The following ARK2N variants were observed in gnomAD, a reference collection of about 807,000 sequenced individuals.
The protein encoded by ARK2N is protein ARK2N.
the ARK2N span, chr18:46,263,131 G>C: frequency 6.3e-7 from 1 of 1,588,810 alleles, no homozygotes; most frequent in Non-Finnish European, 8.6e-7. Context: ...CAATGTCACT[G>C]TGTTTCCTCT....
the ARK2N span, chr18:46,174,379 G>C: frequency 6.6e-6 from 1 of 152,510 alleles, no homozygotes; most frequent in African/African-American, 2.4e-5. Flanking sequence ...TGGTCGAGTT[G>C]GGGGGCCCGG....
the ARK2N span, among the ~76,000 whole-genome samples, chr18:46,181,209 G>C: frequency 6.6e-6 from 1 of 151,918 alleles, no homozygotes; most frequent in African/African-American, 2.4e-5. Flanking sequence ...GCAGTGAGCA[G>C]GGATCATGCC....
the ARK2N span, among the ~76,000 whole-genome samples, chr18:46,179,033 C>T: frequency 6.6e-6 from 1 of 152,102 alleles, no homozygotes; most frequent in African/African-American, 2.4e-5. Context: ...ACCTCTGCCT[C>T]CTGGGTTCAA....
At chr18:46,203,348 C>T in the ARK2N span, among the ~76,000 whole-genome samples, 3 of 151,892 alleles carry the variant, frequency 2.0e-5, no homozygotes, top group African/African-American at 7.3e-5. Flanking sequence ...CATGGATGAA[C>T]CTGAGAGACA....
the ARK2N span, among the ~76,000 whole-genome samples, chr18:46,176,359 G>T: frequency 3.9e-5 from 6 of 151,958 alleles, no homozygotes; most frequent in Non-Finnish European, 7.3e-5. Context: ...TCATTTTCCT[G>T]CACATAACTG....
the ARK2N span, among the ~76,000 whole-genome samples, chr18:46,196,105 G>A: frequency 1.4e-4 from 21 of 146,506 alleles, no homozygotes; most frequent in Admixed American, 4.1e-4. Flanking sequence ...CTCAGCCTCC[G>A]GAGTAGCTGG....
chr18:46,198,920 CT>C, the ARK2N span, among the ~76,000 whole-genome samples: 1 of 152,104 alleles, frequency 6.6e-6, no homozygotes, highest in South Asian at 2.1e-4. Flanking sequence ...AAAATGGACC[CT>C]GGAGATCATT....
At chr18:46,258,820 C>T in the ARK2N span, among the ~76,000 whole-genome samples, 4 of 152,054 alleles carry the variant, frequency 2.6e-5, no homozygotes, top group Admixed American at 6.5e-5. Flanking sequence ...TTTTATGTTG[C>T]GTCACAAAAT....
At chr18:46,211,897 C>T in the ARK2N span, among the ~76,000 whole-genome samples, 2 of 152,184 alleles carry the variant, frequency 1.3e-5, no homozygotes, top group Non-Finnish European at 2.9e-5. Flanking sequence ...TCATTTTATA[C>T]TGCTAGCTAC....
At chr18:46,237,457 G>T in the ARK2N span, among the ~76,000 whole-genome samples, 1 of 148,700 alleles carries the variant, frequency 6.7e-6, no homozygotes, top group Non-Finnish European at 1.5e-5. Context: ...GCACGATCTC[G>T]GCTCACTGCT....
chr18:46,232,375 A>G, the ARK2N span: 1 of 152,304 alleles, frequency 6.6e-6, no homozygotes, highest in East Asian at 1.9e-4. Context: ...TTAAAAAATT[A>G]TTTAAATAGT....
the ARK2N span, among the ~76,000 whole-genome samples, chr18:46,180,022 TA>T: frequency 6.6e-6 from 1 of 152,214 alleles, no homozygotes; most frequent in Non-Finnish European, 1.5e-5. Flanking sequence ...CAGCTGATAA[TA>T]GTAAATGTGA....
At chr18:46,192,883 CAAA>C in the ARK2N span, among the ~76,000 whole-genome samples, 7 of 139,464 alleles carry the variant, frequency 5.0e-5, no homozygotes, top group Middle Eastern at 3.8e-3. Flanking sequence ...GAGACTGTCT[CAAA>C]AAAAAAAAAA....
the ARK2N span, among the ~76,000 whole-genome samples, chr18:46,189,416 G>C: frequency 6.6e-6 from 1 of 151,912 alleles, no homozygotes; most frequent in African/African-American, 2.4e-5. Flanking sequence ...AAATACATTA[G>C]GAAAACTTAC....
chr18:46,174,864 G>A, the ARK2N span, among the ~76,000 whole-genome samples: 2 of 152,220 alleles, frequency 1.3e-5, no homozygotes, highest in Admixed American at 6.5e-5. Context: ...CGCCGCGGCC[G>A]CAGTGGCCTT....
the ARK2N span, among the ~76,000 whole-genome samples, chr18:46,179,945 C>T: frequency 2.3e-4 from 35 of 152,088 alleles, no homozygotes; most frequent in Non-Finnish European, 4.0e-4. Flanking sequence ...TTCTATATTC[C>T]TGAACTGCTA....
chr18:46,220,238 G>A, the ARK2N span, among the ~76,000 whole-genome samples: 1 of 152,118 alleles, frequency 6.6e-6, no homozygotes, highest in African/African-American at 2.4e-5. Context: ...ATGTCATTGA[G>A]GCTACTGAGG....
At chr18:46,264,763 T>C in the ARK2N span, 1 of 147,316 alleles carries the variant, frequency 6.8e-6, no homozygotes, top group South Asian at 2.1e-4. Flanking sequence ...TAAAGACAAG[T>C]TTATTCCTTT....
chr18:46,201,926 C>T, the ARK2N span, among the ~76,000 whole-genome samples: 2 of 151,792 alleles, frequency 1.3e-5, no homozygotes, highest in African/African-American at 2.4e-5. Flanking sequence ...TACAGGCGGG[C>T]GCCATTACGC....
Sources: allele counts gnomAD v4.1 joint callset (sites outside exome capture counted in the v4.1 genomes callset), GRCh38; gene constraint gnomAD v4.1.1; transcripts MANE v1.5; gene names NCBI Gene and HGNC (gene_info 2026-07-23, HGNC 2026-07-21).